FSTL5: variants seen among roughly 807,000 people sequenced by gnomAD.
FSTL5 encodes follistatin like 5.
Under a neutral mutation model 89.1 loss-of-function variants are expected in FSTL5, and 62 were observed. The ratio of observed to expected loss-of-function variants is 0.70; its 90% CI spans 0.57 to 0.86. FSTL5 has a LOEUF of 0.86. Ranked by LOEUF, FSTL5 falls within the 40% of genes least tolerant of loss-of-function variation. The pLI is 0.00. For missense variants in FSTL5, 1,057 were observed against 1,001.6 expected, an observed-to-expected ratio of 1.06 and a Z score of -0.75; for synonymous variants, 383 against 346.2, an observed-to-expected ratio of 1.11 and a Z score of -1.18.
intron 2 of FSTL5, among the ~76,000 whole-genome samples, chr4:162,075,666 G>A (rs1729809164): frequency 6.6e-6 from 1 of 151,856 alleles, no homozygotes; most frequent in South Asian, 2.1e-4. Context: ...TGAATCATAG[G>A]CAAATGACTC....
At chr4:162,000,899 G>A (rs1174998826) in intron 3 of FSTL5, among the ~76,000 whole-genome samples, 1 of 152,028 alleles carries the variant, frequency 6.6e-6, no homozygotes, top group Non-Finnish European at 1.5e-5. Context: ...GGAGGGAAGA[G>A]GGAGGGAAGG....
chr4:161,577,153 C>G lies in FSTL5; in HGVS notation c.1015+10302G>C, dbSNP rs114390898. On this transcript the variant is annotated intron_variant, in intron 8 of 15. Coordinates refer to ENST00000306100, the MANE Select transcript of FSTL5 (RefSeq NM_020116.5). ...TTTTTTGGCAGAATTATGTACCAGA[C>G]TCAGAGAACAAAATAGGTATTACTT... is the stretch of plus-strand genomic sequence containing the variant. Among the ~76,000 whole-genome samples, 1,227 of 152,140 alleles carry G rather than the reference C, an allele frequency of 8.1e-3. 13 individuals carry two copies. Among genetic ancestry groups the G allele is most frequent in the African/African-American group, 0.027 (1,124 of 41,512 alleles).
At chr4:161,459,166 A>G in intron 14 of FSTL5, 46 bp downstream of exon 14, 1 of 1,113,294 alleles carries the variant, frequency 9.0e-7, no homozygotes, top group Non-Finnish European at 1.4e-6. Context: ...AAATGTTGAA[A>G]GCTTTAAAGA....
chr4:161,874,103 A>C (rs1012419122), intron 4 of FSTL5, among the ~76,000 whole-genome samples: 6 of 152,120 alleles, frequency 3.9e-5, no homozygotes, highest in African/African-American at 1.2e-4. Context: ...ATTTAAATAT[A>C]TTAGATGATA....
At chr4:161,503,685 C>T (rs1173039429) in intron 11 of FSTL5, among the ~76,000 whole-genome samples, 3 of 151,904 alleles carry the variant, frequency 2.0e-5, no homozygotes, top group Non-Finnish European at 4.4e-5. Context: ...CTCAAAAGGA[C>T]TGGTTTTAGA....
rs146526619 is a variant in FSTL5, at chr4:161,516,706, AATATAT to A, written c.1313-6288_1313-6283del. On this transcript the variant is annotated intron_variant, in intron 10 of 15. Coordinates refer to ENST00000306100, the MANE Select transcript of FSTL5 (RefSeq NM_020116.5). The stretch of plus-strand genomic sequence containing the variant: ...ATGTATAGTGAATTTATTATATGTA[AATATAT>A]ATATATATATGTACACACACACACA... 3.2e-4 allele frequency among the ~76,000 whole-genome samples: 40 copies of A among 123,870 alleles called. 2 individuals are homozygous for A. The highest frequency in any genetic ancestry group is 1.1e-3 in the African/African-American group (36 of 33,212). 81.3% of individuals were successfully genotyped at this position (123,870 alleles called of 152,430 possible).
At chr4:161,653,741 C>T (rs1231458586) in intron 7 of FSTL5, among the ~76,000 whole-genome samples, 1 of 152,040 alleles carries the variant, frequency 6.6e-6, no homozygotes, top group Non-Finnish European at 1.5e-5. Flanking sequence ...ATAGTCATAT[C>T]GATAAATGCA....
intron 6 of FSTL5, among the ~76,000 whole-genome samples, chr4:161,703,812 C>G (rs1453430325): frequency 6.6e-6 from 1 of 152,040 alleles, no homozygotes; most frequent in African/African-American, 2.4e-5. Flanking sequence ...ATGATATATA[C>G]CATAATCTAG....
Position 162,006,927 on chromosome 4 carries a change from G to C in FSTL5, c.160+26698C>G, listed in dbSNP as rs369036325. On this transcript the variant is annotated intron_variant, in intron 3 of 15. Transcript: ENST00000306100. Reference sequence around the variant, plus strand: ...TTGGTGGATCAGAAAATATTATTTTGTTAAGTTAAAAAATAGATGCACAAG... The same window carrying C: ...TTGGTGGATCAGAAAATATTATTTTCTTAAGTTAAAAAATAGATGCACAAG... 2.0e-4 allele frequency among the ~76,000 whole-genome samples: 30 copies of C among 151,934 alleles called. No individual in the cohort carries two copies. The South Asian group carries it at 4.4e-3, about 22-fold the overall frequency.
intron 15 of FSTL5, among the ~76,000 whole-genome samples, chr4:161,401,567 C>T (rs920827149): frequency 6.6e-6 from 1 of 152,098 alleles, no homozygotes; most frequent in Non-Finnish European, 1.5e-5. Context: ...GTCTGTCACC[C>T]AGGATGGAGT....
chr4:161,631,355 T>A (rs1330117218), intron 7 of FSTL5, among the ~76,000 whole-genome samples: 1 of 152,208 alleles, frequency 6.6e-6, no homozygotes, highest in Admixed American at 6.5e-5. Flanking sequence ...GGCACGGTCA[T>A]GCCTGTAATC....
Position 162,111,884 on chromosome 4 carries a change from A to G in FSTL5, c.-16-472T>C, listed in dbSNP as rs569000695. On this transcript the variant is annotated intron_variant, in intron 1 of 15. Coordinates refer to ENST00000306100, the MANE Select transcript of FSTL5 (RefSeq NM_020116.5). Reference sequence around the variant, plus strand: ...GTTAATAAGATAGTCTATGATAGGTAGTACTTAATAAATTAACTGAGTACA... The same window carrying G: ...GTTAATAAGATAGTCTATGATAGGTGGTACTTAATAAATTAACTGAGTACA... Among the ~76,000 whole-genome samples, 20 of 152,310 alleles carry G rather than the reference A, an allele frequency of 1.3e-4. No homozygotes were observed. In the East Asian group the frequency reaches 2.7e-3, roughly 21 times the overall value.
intron 3 of FSTL5, among the ~76,000 whole-genome samples, chr4:161,953,302 AACTT>A (rs1190747371): frequency 6.6e-6 from 1 of 151,678 alleles, no homozygotes; most frequent in Non-Finnish European, 1.5e-5. Context: ...GCCCATGTAA[AACTT>A]AGTAAGACTA....
intron 7 of FSTL5, among the ~76,000 whole-genome samples, chr4:161,636,458 T>C (rs1170881908): frequency 1.5e-4 from 14 of 93,810 alleles, no homozygotes; most frequent in Non-Finnish European, 3.5e-4. Context: ...TTTTTTTTTT[T>C]TCTTTTTTTT....
chr4:161,753,626 C>T (rs1740471803), intron 6 of FSTL5, among the ~76,000 whole-genome samples: 1 of 152,124 alleles, frequency 6.6e-6, no homozygotes, highest in Non-Finnish European at 1.5e-5. Flanking sequence ...ATGTAATATT[C>T]ATTTTTATTG....
chr4:161,813,097 G>T (rs1730212025), intron 4 of FSTL5, among the ~76,000 whole-genome samples: 1 of 151,616 alleles, frequency 6.6e-6, no homozygotes, highest in African/African-American at 2.4e-5. Flanking sequence ...CGCAATCTCG[G>T]CTAACTGCAA....
At chr4:161,967,885 C>T in intron 3 of FSTL5, among the ~76,000 whole-genome samples, 1 of 151,978 alleles carries the variant, frequency 6.6e-6, no homozygotes, top group East Asian at 1.9e-4. Flanking sequence ...ATATAACTTA[C>T]AAACAAATCT....
In FSTL5 at chr4:161,946,546, A is replaced by T. The variant is rs1578882808; in HGVS notation, c.161-25894T>A. Among the ~76,000 whole-genome samples the T allele has an allele frequency of 5.3e-5, 8 of 152,262 alleles. No individual in the cohort carries two copies. The South Asian group carries it at 1.7e-3, about 32-fold the overall frequency. On this transcript the variant is annotated intron_variant, in intron 3 of 15. Coordinates refer to ENST00000306100, the MANE Select transcript of FSTL5 (RefSeq NM_020116.5). ...TTTTGTGCCTGTCACCTTTCATTCAACATCATGTGACTAGCAATCATTCAG... is the reference window on the plus strand; with the variant it reads ...TTTTGTGCCTGTCACCTTTCATTCATCATCATGTGACTAGCAATCATTCAG...
At chr4:161,825,532 G>T (rs1730641582) in intron 4 of FSTL5, among the ~76,000 whole-genome samples, 1 of 151,722 alleles carries the variant, frequency 6.6e-6, no homozygotes, top group African/African-American at 2.4e-5. Context: ...GACTCTTTTT[G>T]GTTGGCATTT....
Sources: allele counts gnomAD v4.1 joint callset (sites outside exome capture counted in the v4.1 genomes callset), GRCh38; gene constraint gnomAD v4.1.1; transcripts MANE v1.5; gene names NCBI Gene and HGNC (gene_info 2026-07-23, HGNC 2026-07-21).